NSUN2: variants seen among roughly 807,000 people sequenced by gnomAD.
NSUN2 encodes NOP2/Sun RNA methyltransferase 2.
NSUN2 carries 63 observed loss-of-function variants against 92.7 expected under a neutral mutation model. The observed-to-expected ratio is 0.68, with a 90% CI of 0.56 to 0.84. The LOEUF (loss-of-function observed/expected upper bound fraction) is 0.84, where lower values mean the gene tolerates loss of function less well. Among genes scored for constraint, NSUN2 ranks in the 40% least tolerant of loss-of-function variants. The pLI, the probability that NSUN2 is intolerant of heterozygous loss-of-function variation, is 0.00. For synonymous variants in NSUN2, 356 were observed against 348.3 expected, an observed-to-expected ratio of 1.02 and a Z score of -0.25; for missense variants, 989 against 964.9, an observed-to-expected ratio of 1.02 and a Z score of -0.33.
chr5:6,616,821 C>T lies in NSUN2; in HGVS notation c.927G>A (p.Gln309=). The part of the protein sequence containing the change: ...QLRIATRGAE[Q]LAEGGRMVYS... The stretch of plus-strand genomic sequence containing the variant: ...ACACCATCCTTCCACCTTCAGCCAG[C>T]TGTTCAGCCCCGCGTGTTGCAATCC... The change falls in exon 9 of 19, where the codon CAG becomes CAA. Residue 309 remains glutamine (Q), a synonymous_variant. Coordinates refer to ENST00000264670, the MANE Select transcript of NSUN2 (RefSeq NM_017755.6). 6.2e-7 allele frequency: 1 copy of T among 1,614,024 alleles called. No individual in the cohort carries two copies.
chr5:6,606,573 C>T (rs958828022), intron 14 of NSUN2, among the ~76,000 whole-genome samples: 1 of 152,066 alleles, frequency 6.6e-6, no homozygotes, highest in Non-Finnish European at 1.5e-5. Context: ...CCGTGAGCCA[C>T]CGCGCCCGGT....
At chr5:6,605,215 T>C in intron 15 of NSUN2, 58 bp downstream of exon 15, 1 of 1,597,494 alleles carries the variant, frequency 6.3e-7, no homozygotes, top group Non-Finnish European at 8.5e-7. Context: ...TCTAAGCCGC[T>C]GTGAAAAGCC....
intron 1 of NSUN2, 36 bp from the exon 2 acceptor site, chr5:6,632,792 A>G: frequency 1.2e-6 from 2 of 1,601,994 alleles, no homozygotes; most frequent in South Asian, 1.1e-5. Context: ...CCGAGGCCCA[A>G]GGAGCCGCCC....
chr5:6,604,013 T>C, intron 17 of NSUN2, 125 bp downstream of exon 17: 1 of 848,000 alleles, frequency 1.2e-6, no homozygotes, highest in Non-Finnish European at 1.9e-6. Flanking sequence ...CTCTGGAAAT[T>C]GATGTAGCCA....
intron 4 of NSUN2, among the ~76,000 whole-genome samples, chr5:6,624,885 G>C (rs115203674): frequency 3.3e-5 from 5 of 152,102 alleles, no homozygotes; most frequent in Non-Finnish European, 5.9e-5. Context: ...AAACTTTATG[G>C]GCATTCATTG....
intron 9 of NSUN2, among the ~76,000 whole-genome samples, chr5:6,613,548 T>C (rs1737085465): frequency 6.6e-6 from 1 of 152,224 alleles, no homozygotes; most frequent in African/African-American, 2.4e-5. Flanking sequence ...CTGAGCATAC[T>C]GTCTCCTTTC....
rs116785933 is a variant in NSUN2, at chr5:6,623,205, A to G, written c.537+9T>C. ...GCCCGCCCCCACGTTTCTAGTTGCT[A>G]TATGCTACCTTATGATGAGGCCGCA... On this transcript the variant is annotated intron_variant, in intron 5 of 18. Transcript: ENST00000264670. 2.7e-3 allele frequency: 4,356 copies of G among 1,591,716 alleles called. 112 individuals carry two copies. In the African/African-American group the frequency reaches 0.053, roughly 19 times the overall value.
intron 4 of NSUN2, 56 bp from the exon 5 acceptor site, chr5:6,623,341 A>T: frequency 6.9e-7 from 1 of 1,440,250 alleles, no homozygotes; most frequent in South Asian, 1.2e-5. Context: ...AACCGCAGAC[A>T]ATTTCAATCT....
chr5:6,602,211 G>A (rs1162934487), intron 18 of NSUN2, among the ~76,000 whole-genome samples: 1 of 152,198 alleles, frequency 6.6e-6, no homozygotes, highest in Non-Finnish European at 1.5e-5. Flanking sequence ...TAAAAAATAA[G>A]TACTATGCAT....
At chr5:6,611,529 C>T (rs937005370) in intron 10 of NSUN2, among the ~76,000 whole-genome samples, 196 bp downstream of exon 10, 2 of 143,040 alleles carry the variant, frequency 1.4e-5, no homozygotes, top group Non-Finnish European at 3.0e-5. Context: ...GAAAAAAAAA[C>T]TTTTCCACTG....
Position 6,606,809 on chromosome 5 carries a change from T to A in NSUN2, c.1601+11A>T. ...TCTTTAAATGAATAATTAAAAAGGC[T>A]GAATCCTTACTCAATAGGTGGAAAT... is the stretch of plus-strand genomic sequence containing the variant. On this transcript the variant is annotated intron_variant, in intron 14 of 18. Coordinates refer to ENST00000264670, the MANE Select transcript of NSUN2 (RefSeq NM_017755.6). The A allele has an allele frequency of 6.9e-7, 1 of 1,455,432 alleles. No individual in the cohort carries two copies. The allele number at this position is 1,455,432 out of a possible 1,614,324, so 90.2% of individuals were successfully genotyped here. A position where few individuals can be genotyped will look rare whatever the true frequency, so the allele number is the denominator to read the frequency against.
In NSUN2 at chr5:6,602,445, G is replaced by A; in HGVS notation, c.1997+16C>T. 1.9e-6 allele frequency: 3 copies of A among 1,612,700 alleles called. No homozygotes were observed. The highest frequency in any genetic ancestry group is 2.5e-6 in the Non-Finnish European group (3 of 1,178,962). The stretch of plus-strand genomic sequence containing the variant: ...CAAGGCGTGTGTGTCTAAGGGCAGG[G>A]CGTGTACTGACTTACGCAGAATCTG... On this transcript the variant is annotated intron_variant, in intron 18 of 18. Transcript: ENST00000264670.
Position 6,609,826 on chromosome 5 carries a change from C to T in NSUN2, c.1323G>A (p.Lys441=). The T allele has an allele frequency of 6.2e-7, 1 of 1,609,652 alleles. No individual in the cohort carries two copies. The change falls in exon 12 of 19, where the codon AAG becomes AAA. Residue 441 remains lysine, a splice_region_variant and synonymous_variant. Coordinates refer to ENST00000264670, the MANE Select transcript of NSUN2 (RefSeq NM_017755.6). ...SSMPWNKRQP[K]LQGKSAETRE... ...TCATTTTGGAAAAAGAAAAACTCACCTTTGGCTGACGTTTATTCCACGGCA... is the reference window on the plus strand; with the variant it reads ...TCATTTTGGAAAAAGAAAAACTCACTTTTGGCTGACGTTTATTCCACGGCA...
chr5:6,619,850 GT>G lies in NSUN2; in HGVS notation c.815+255del, dbSNP rs544846321. Among the ~76,000 whole-genome samples, 12 of 121,768 alleles carry G rather than the reference GT, an allele frequency of 9.9e-5. No individual in the cohort carries two copies. The South Asian group carries it at 3.1e-3, about 31-fold the overall frequency. The allele number at this position is 121,768 out of a possible 152,430, so 79.9% of individuals were successfully genotyped here. On this transcript the variant is annotated intron_variant, in intron 7 of 18. Coordinates refer to ENST00000264670, the MANE Select transcript of NSUN2 (RefSeq NM_017755.6). ...TATTTTCCTCTTACGTATTTTCTCTGTTTTGTTTTGTTTTCTCTTTATCTTT... is the reference window on the plus strand; with the variant it reads ...TATTTTCCTCTTACGTATTTTCTCTGTTTGTTTTGTTTTCTCTTTATCTTT...
chr5:6,631,384 G>C (rs887644622), intron 3 of NSUN2, among the ~76,000 whole-genome samples: 2 of 152,170 alleles, frequency 1.3e-5, no homozygotes, highest in Admixed American at 1.3e-4. Context: ...GCACGCTTGG[G>C]TGCTGAGACT....
intron 14 of NSUN2, among the ~76,000 whole-genome samples, chr5:6,606,495 C>T (rs977665258): frequency 3.9e-5 from 6 of 152,118 alleles, no homozygotes; most frequent in African/African-American, 1.4e-4. Flanking sequence ...CCGTGTCAGC[C>T]AGGATGGTCT....
Position 6,599,970 on chromosome 5 carries a change from C to T in NSUN2, c.2260G>A (p.Val754Met), listed in dbSNP as rs143468555. ...CCCGCCGGGTCACAGCCTGCTGTCA[C>T]GTCTGGACTGTTGGCCTCTTCTGCA... ...PDAEEANSPD[V>M]TAGCDPAGVH... Residue 754 changes from valine (V) to methionine (M), a missense_variant, in exon 19 of 19, where the codon GTG becomes ATG. By Grantham distance (21) the Val-to-Met change is conservative. Coordinates refer to ENST00000264670, the MANE Select transcript of NSUN2 (RefSeq NM_017755.6). 81 of 1,614,056 alleles carry T rather than the reference C, an allele frequency of 5.0e-5. No individual in the cohort carries two copies. Among genetic ancestry groups the T allele is most frequent in the Non-Finnish European group, 5.3e-5 (62 of 1,180,050 alleles).
chr5:6,632,557 T>A (rs1393893363), intron 2 of NSUN2, 42 bp downstream of exon 2: 1 of 1,607,684 alleles, frequency 6.2e-7, no homozygotes, highest in African/African-American at 1.3e-5. Context: ...ACCTCCAGCA[T>A]CCTGGCCCCA....
At chr5:6,604,420 A>AC (rs33910823) in intron 16 of NSUN2, 144 bp from the exon 17 acceptor site, 171 of 864,866 alleles carry the variant, frequency 2.0e-4, no homozygotes, top group African/African-American at 2.7e-4. Context: ...TGTGGAACCC[A>AC]CCCCCCCCTA....
Sources: allele counts gnomAD v4.1 joint callset (sites outside exome capture counted in the v4.1 genomes callset), GRCh38; gene constraint gnomAD v4.1.1; transcripts MANE v1.5; gene names NCBI Gene and HGNC (gene_info 2026-07-23, HGNC 2026-07-21).